CAVIN1: variants seen among roughly 807,000 people sequenced by gnomAD.
CAVIN1 encodes the protein caveolae associated protein 1.
In CAVIN1, 16 loss-of-function variants were observed where a neutral mutation model predicts 24.0. That is an observed-to-expected ratio of 0.67 (90% CI 0.45 to 1.01). The LOEUF is 1.01. Among genes scored for constraint, CAVIN1 ranks in the 50% least tolerant of loss-of-function variants. The pLI, the probability that CAVIN1 is intolerant of heterozygous loss-of-function variation, is 0.00. For missense variants in CAVIN1, 510 were observed against 551.7 expected (o/e 0.92, Z 0.76); for synonymous variants, 256 against 256.4 (o/e 1.00, Z 0.02).
At chr17:42,418,153 AC>A (rs1296468820) in intron 1 of CAVIN1, among the ~76,000 whole-genome samples, 1 of 151,938 alleles carries the variant, frequency 6.6e-6, no homozygotes, top group Non-Finnish European at 1.5e-5. Context: ...TATGATGTTC[AC>A]ACAGTGAGGA....
chr17:42,411,660 C>T (rs537217702), intron 1 of CAVIN1: 1 of 985,418 alleles, frequency 1.0e-6, no homozygotes, highest in African/African-American at 1.7e-5. Flanking sequence ...AGGCCTGAGC[C>T]TCATGATGGC....
chr17:42,423,053 C>T lies in CAVIN1; in HGVS notation c.45G>A (p.Gly15=). 6.2e-7 allele frequency: 1 copy of T among 1,608,222 alleles called. No individual in the cohort carries two copies. The highest frequency in any genetic ancestry group is 8.5e-7 in the Non-Finnish European group (1 of 1,177,972). ...TLYIVERPLP[G]YPDAEAPEPS... is the part of the protein sequence containing the mutation. The stretch of plus-strand genomic sequence containing the variant: ...GCTCCGGGGCCTCGGCGTCGGGGTA[C>T]CCGGGAAGCGGCCGCTCGACAATAT... The change falls in exon 1 of 2, where the codon GGG becomes GGA. Residue 15 remains glycine, a synonymous_variant. Coordinates refer to ENST00000357037, the MANE Select transcript of CAVIN1 (RefSeq NM_012232.6).
intron 1 of CAVIN1, among the ~76,000 whole-genome samples, chr17:42,419,398 C>T (rs972219516): frequency 6.6e-6 from 1 of 151,962 alleles, no homozygotes; most frequent in Non-Finnish European, 1.5e-5. Flanking sequence ...CTGCAACCTC[C>T]GCCTCCCAGG....
chr17:42,409,940 C>T (rs1301966607), intron 1 of CAVIN1, among the ~76,000 whole-genome samples: 1 of 152,106 alleles, frequency 6.6e-6, no homozygotes, highest in Non-Finnish European at 1.5e-5. Context: ...TGAACAAAAG[C>T]ATTACAGTTC....
chr17:42,416,593 CAAAAAAA>C (rs34249867), intron 1 of CAVIN1, among the ~76,000 whole-genome samples: 12 of 54,464 alleles, frequency 2.2e-4, no homozygotes, highest in African/African-American at 8.5e-4. Flanking sequence ...GATCCTTTCT[CAAAAAAA>C]AAAAAAAAAA....
In CAVIN1 at chr17:42,422,848, C is replaced by T; in HGVS notation, c.250G>A (p.Gly84Ser). The stretch of plus-strand genomic sequence containing the variant: ...TCGCCCTGGATGCTCTGCACTGCGC[C>T]CTCCATCTCCGCCTGCCGCTCCTCC... ...QLEERQAEMEGAVQSIQGELS... is the reference protein window; with the variant it reads ...QLEERQAEMESAVQSIQGELS... Residue 84 changes from glycine to serine, a missense_variant, in exon 1 of 2, where the codon GGC becomes AGC. Gly to Ser is a moderately conservative substitution (Grantham distance 56). Coordinates refer to ENST00000357037, the MANE Select transcript of CAVIN1 (RefSeq NM_012232.6). The T allele has an allele frequency of 1.2e-6, 2 of 1,613,752 alleles. No homozygotes were observed. The highest frequency in any genetic ancestry group is 1.7e-5 in the Admixed American group (1 of 60,006).
rs1305193874 is a variant in CAVIN1, at chr17:42,404,613, C to G, written c.*74G>C. On this transcript the variant is annotated 3_prime_UTR_variant, in exon 2 of 2. Coordinates refer to ENST00000357037, the MANE Select transcript of CAVIN1 (RefSeq NM_012232.6). ...TTCAATTTAGAAAAATCTCAGCCAG[C>G]TCGAGCCGAGAGAGAATGCGAAAGA... 9.5e-7 allele frequency: 1 copy of G among 1,052,400 alleles called. No individual in the cohort carries two copies. The highest frequency in any genetic ancestry group is 3.6e-5 in the East Asian group (1 of 27,612). The allele number at this position is 1,052,400 out of a possible 1,614,324, so 65.2% of individuals were successfully genotyped here.
At chr17:42,405,428 A>C (rs1399294884) in intron 1 of CAVIN1, 40 bp from the exon 2 acceptor site, 2 of 1,594,278 alleles carry the variant, frequency 1.3e-6, no homozygotes, top group Admixed American at 3.3e-5. Context: ...GCGTCGGAGG[A>C]GGCGGATGTG....
At position 42,405,278 on chromosome 17, in the gene CAVIN1, C is replaced by G; in HGVS notation, c.582G>C (p.Glu194Asp). ...ACGAAAGCTCCAGCGCCGCTGCGTC[C>G]TCCTCGGGCCGCTCGCCCTCGCCCA... is the stretch of plus-strand genomic sequence containing the variant. ...EELGEGERPE[E>D]DAAALELSSD... Residue 194 changes from glutamate (E) to aspartate (D), a missense_variant, in exon 2 of 2, where the codon GAG (glutamate) becomes GAC (aspartate). Transcript: ENST00000357037. The G allele has an allele frequency of 6.2e-7, 1 of 1,613,040 alleles. No individual in the cohort carries two copies. The highest frequency in any genetic ancestry group is 8.5e-7 in the Non-Finnish European group (1 of 1,179,966).
intron 1 of CAVIN1, among the ~76,000 whole-genome samples, chr17:42,418,265 C>G (rs916240743): frequency 1.5e-5 from 2 of 136,406 alleles, no homozygotes; most frequent in Admixed American, 7.8e-5. Flanking sequence ...AAGTTTCGCT[C>G]TTGTTGCCCA....
At position 42,402,896 on chromosome 17, in the gene CAVIN1, CTCGTGTCTTGAGAACCTGG is replaced by C. The variant is rs1264516505; in HGVS notation, c.*1772_*1790del. The C allele has an allele frequency of 2.0e-5, 3 of 152,142 alleles. No homozygotes were observed. Among genetic ancestry groups the C allele is most frequent in the Admixed American group, 6.6e-5 (1 of 15,240 alleles). The allele number at this position is 152,142 out of a possible 1,614,324, so 9.4% of individuals were successfully genotyped here. A position where few individuals can be genotyped will look rare whatever the true frequency, so the allele number is the denominator to read the frequency against. On this transcript the variant is annotated 3_prime_UTR_variant, in exon 2 of 2. Coordinates refer to ENST00000357037, the MANE Select transcript of CAVIN1 (RefSeq NM_012232.6). ...CCTTTAATGGGGAGGAACAAGGGGACTCGTGTCTTGAGAACCTGGTCGTGTCTTGAGAACCCAGTCCAAA... is the reference window on the plus strand; with the variant it reads ...CCTTTAATGGGGAGGAACAAGGGGACTCGTGTCTTGAGAACCCAGTCCAAA...
rs1555586086 is a variant in CAVIN1, at chr17:42,405,691, T to TTTTTTG, written c.472-304_472-303insCAAAAA. Among the ~76,000 whole-genome samples, 5 of 56,572 alleles carry TTTTTTG rather than the reference T, an allele frequency of 8.8e-5. No individual in the cohort carries two copies. In the East Asian group the frequency reaches 2.5e-3, roughly 28 times the overall value. The allele number at this position is 56,572 out of a possible 152,430, so 37.1% of individuals were successfully genotyped here. A position where few individuals can be genotyped will look rare whatever the true frequency, so the allele number is the denominator to read the frequency against. On this transcript the variant is annotated intron_variant, in intron 1 of 1. Coordinates refer to ENST00000357037, the MANE Select transcript of CAVIN1 (RefSeq NM_012232.6). ...CTCTCTCTCTCTCCTTGTTTTTTTT[T>TTTTTTG]TTTTTTTTTTTTTTAAACGGAGTCT...
At chr17:42,421,636 G>A (rs1360725478) in intron 1 of CAVIN1, among the ~76,000 whole-genome samples, 1 of 152,122 alleles carries the variant, frequency 6.6e-6, no homozygotes. Context: ...GAGACTCCCA[G>A]GTTTATTGGG....
rs1378513527 is a variant in CAVIN1, at chr17:42,402,606, C to T, written c.*2081G>A. The T allele has an allele frequency of 6.6e-6, 1 of 151,322 alleles. No homozygotes were observed. Among genetic ancestry groups the T allele is most frequent in the African/African-American group, 2.4e-5 (1 of 41,060 alleles). The allele number at this position is 151,322 out of a possible 1,614,324, so 9.4% of individuals were successfully genotyped here. On this transcript the variant is annotated 3_prime_UTR_variant, in exon 2 of 2. Coordinates refer to ENST00000357037, the MANE Select transcript of CAVIN1 (RefSeq NM_012232.6). ...TTGTCCCACAATCCCCAACCTCCCTCGGCAGAGGGGTCTTCAGCCATTCAG... is the reference window on the plus strand; with the variant it reads ...TTGTCCCACAATCCCCAACCTCCCTTGGCAGAGGGGTCTTCAGCCATTCAG...
chr17:42,413,255 C>T (rs529162634), intron 1 of CAVIN1, among the ~76,000 whole-genome samples: 1 of 151,852 alleles, frequency 6.6e-6, no homozygotes, highest in Admixed American at 6.6e-5. Context: ...ATTTTAAATG[C>T]TTCATCAAGA....
At position 42,404,721 on chromosome 17, in the gene CAVIN1, T is replaced by A. The variant is rs2085431173; in HGVS notation, c.1139A>T (p.Asp380Val). The change falls in exon 2 of 2, where the codon GAC becomes GTC. Residue 380 changes from aspartate to valine, a missense_variant. Asp to Val is a radical substitution (Grantham distance 152). Coordinates refer to ENST00000357037, the MANE Select transcript of CAVIN1 (RefSeq NM_012232.6). Reference protein sequence around the residue: ...HALLEITEESDAVLVDKSDSD With the variant: ...HALLEITEESVAVLVDKSDSD ...GTCGCTCTTGTCCACCAGCACGGCG[T>A]CCGACTCCTCGGTGATCTCCAGCAG... is the stretch of plus-strand genomic sequence containing the variant. 4 of 1,494,670 alleles carry A rather than the reference T, an allele frequency of 2.7e-6. No individual in the cohort carries two copies. Among genetic ancestry groups the A allele is most frequent in the Non-Finnish European group, 3.5e-6 (4 of 1,128,646 alleles). 92.6% of individuals were successfully genotyped at this position (1,494,670 alleles called of 1,614,324 possible).
intron 1 of CAVIN1, among the ~76,000 whole-genome samples, chr17:42,409,976 A>G (rs1479114702): frequency 6.6e-6 from 1 of 152,144 alleles, no homozygotes; most frequent in Non-Finnish European, 1.5e-5. Context: ...AAGCACACAT[A>G]GCTCCTCAAT....
At position 42,402,605 on chromosome 17, in the gene CAVIN1, T is replaced by A. The variant is rs2085418181; in HGVS notation, c.*2082A>T. The A allele has an allele frequency of 7.1e-6, 1 of 141,766 alleles. No homozygotes were observed. Among genetic ancestry groups the A allele is most frequent in the Non-Finnish European group, 1.5e-5 (1 of 65,974 alleles). 8.8% of individuals were successfully genotyped at this position (141,766 alleles called of 1,614,324 possible). The stretch of plus-strand genomic sequence containing the variant: ...CTTGTCCCACAATCCCCAACCTCCC[T>A]CGGCAGAGGGGTCTTCAGCCATTCA... On this transcript the variant is annotated 3_prime_UTR_variant, in exon 2 of 2. Coordinates refer to ENST00000357037, the MANE Select transcript of CAVIN1 (RefSeq NM_012232.6).
Position 42,404,941 on chromosome 17 carries a change from C to A in CAVIN1, c.919G>T (p.Val307Leu). 1 of 1,614,158 alleles carries A rather than the reference C, an allele frequency of 6.2e-7. No individual in the cohort carries two copies. The highest frequency in any genetic ancestry group is 8.5e-7 in the Non-Finnish European group (1 of 1,179,994). ...LRKSFTPDHV[V>L]YARSKTAVYK... ...ACCGCGGTCTTGGAGCGCGCGTACA[C>A]CACGTGGTCGGGCGTGAAGGATTTG... Residue 307 changes from valine to leucine, a missense_variant, in exon 2 of 2, where the codon GTG becomes TTG. By Grantham distance (32) the Val-to-Leu change is conservative. Coordinates refer to ENST00000357037, the MANE Select transcript of CAVIN1 (RefSeq NM_012232.6).
Sources: allele counts gnomAD v4.1 joint callset (sites outside exome capture counted in the v4.1 genomes callset), GRCh38; gene constraint gnomAD v4.1.1; transcripts MANE v1.5; gene names NCBI Gene and HGNC (gene_info 2026-07-23, HGNC 2026-07-21).